Variants in ARHGEF25 observed in about 807,000 individuals in gnomAD.
ARHGEF25 encodes the protein RAC/CDC42 exchange factor.
ARHGEF25 carries 42 observed loss-of-function variants against 74.0 expected under a neutral mutation model. The observed-to-expected ratio is 0.57, with a 90% CI of 0.44 to 0.73. The LOEUF is 0.73. Among genes scored for constraint, ARHGEF25 ranks in the 30% least tolerant of loss-of-function variants. The probability of loss-of-function intolerance (pLI) is 0.00; values close to 1 mark genes in which losing one functional copy is unlikely to be tolerated. For synonymous variants in ARHGEF25, 293 were observed against 278.6 expected, an observed-to-expected ratio of 1.05 and a Z score of -0.51; for missense variants, 645 against 725.5, an observed-to-expected ratio of 0.89 and a Z score of 1.27.
intron 10 of ARHGEF25, 104 bp downstream of exon 10, chr12:57,615,121 AG>A (rs1565727834): frequency 6.4e-7 from 1 of 1,567,586 alleles, no homozygotes; most frequent in Non-Finnish European, 8.7e-7. Flanking sequence ...TCTGGTTTTT[AG>A]GGGGAGGCTG....
Position 57,614,192 on chromosome 12 carries a change from G to A in ARHGEF25, c.656+73G>A. 2 of 1,586,152 alleles carry A rather than the reference G, an allele frequency of 1.3e-6. No homozygotes were observed. Among genetic ancestry groups the A allele is most frequent in the Admixed American group, 3.3e-5 (2 of 59,774 alleles). On this transcript the variant is annotated intron_variant, in intron 6 of 14. Coordinates refer to ENST00000286494, the MANE Select transcript of ARHGEF25 (RefSeq NM_182947.4). The surrounding 1 kb of genome is among the most constrained non-coding windows in gnomAD (Gnocchi z 4.6). ...CTGGTTGTCCTGTATCCTAACATCA[G>A]CCCATTGCGACTTAAGGAATGTTTG...
At chr12:57,610,233 G>A (rs769511870), upstream of ARHGEF25, 14 of 1,598,940 alleles carry the variant, frequency 8.8e-6, no homozygotes, top group South Asian at 1.1e-4. Flanking sequence ...CCCCCGGACC[G>A]CCCCGCCCCT....
chr12:57,612,980 T>C lies in ARHGEF25; in HGVS notation c.148T>C (p.Ser50Pro), dbSNP rs768946799. ...SEGSISASAA[S>P]GLAAPSGPSS... ...GGGGAGTATATCGGCTTCTGCTGCC[T>C]CCGGTCTGGCTGCCCCCTCTGGCCC... The change falls in exon 2 of 15, where the codon TCC becomes CCC. Residue 50 changes from serine (S) to proline (P), a missense_variant. Physicochemically the swap from Ser to Pro is moderately conservative, Grantham distance 74. Around this residue, in one of 3 missense-constraint regions of ARHGEF25, gnomAD observed 189 missense variants for 199.1 expected, o/e 0.95. Coordinates refer to ENST00000286494, the MANE Select transcript of ARHGEF25 (RefSeq NM_182947.4). 12 of 1,614,012 alleles carry C rather than the reference T, an allele frequency of 7.4e-6. No homozygotes were observed. The Admixed American group carries it at 2.0e-4, about 27-fold the overall frequency.
chr12:57,611,504 C>G lies in ARHGEF25; in HGVS notation c.-391C>G. 1 of 986,286 alleles carries G rather than the reference C, an allele frequency of 1.0e-6. No homozygotes were observed. The highest frequency in any genetic ancestry group is 1.2e-6 in the Non-Finnish European group (1 of 830,506). 61.1% of individuals were successfully genotyped at this position (986,286 alleles called of 1,614,324 possible). On this transcript the variant is annotated 5_prime_UTR_variant, in exon 1 of 15. Coordinates refer to ENST00000286494, the MANE Select transcript of ARHGEF25 (RefSeq NM_182947.4). The surrounding 1 kb of genome is among the most constrained non-coding windows in gnomAD (Gnocchi z 4.5). ...CGGGGGTCGGCCCTCGCCTCCTCCC[C>G]GGCCCGGGCCTAGAGCCACCCCTAA...
upstream of ARHGEF25, chr12:57,610,316 G>A: frequency 2.0e-6 from 3 of 1,506,088 alleles, no homozygotes; most frequent in Non-Finnish European, 2.7e-6. Context: ...GCAGGAGGGG[G>A]TAAGAATGGG....
chr12:57,616,576 A>G, intron 14 of ARHGEF25, 81 bp downstream of exon 14: 1 of 1,320,698 alleles, frequency 7.6e-7, no homozygotes, highest in Non-Finnish European at 1.1e-6. Context: ...TTCCCTCCCC[A>G]TATCATTCCT....
chr12:57,611,833 G>GC lies in ARHGEF25; in HGVS notation c.-56dup. 1 of 1,188,882 alleles carries GC rather than the reference G, an allele frequency of 8.4e-7. No individual in the cohort carries two copies. The highest frequency in any genetic ancestry group is 1.1e-6 in the Non-Finnish European group (1 of 945,226). 73.6% of individuals were successfully genotyped at this position (1,188,882 alleles called of 1,614,324 possible). On this transcript the variant is annotated 5_prime_UTR_variant, in exon 1 of 15. Coordinates refer to ENST00000286494, the MANE Select transcript of ARHGEF25 (RefSeq NM_182947.4). This position sits in a 1 kb window ranked among gnomAD's most constrained non-coding sequence, Gnocchi z 4.5. ...GTGCGCCCGGCGCCGTCCCCGCCCC[G>GC]CCCCCCGTGATTCCCCCTGCATGGC...
At chr12:57,615,811 G>A in intron 12 of ARHGEF25, 26 bp from the exon 13 acceptor site, 2 of 1,612,396 alleles carry the variant, frequency 1.2e-6, no homozygotes, top group Non-Finnish European at 1.7e-6. Context: ...AGGAATCTGG[G>A]GGCTGTCTCC....
rs145779061 is a variant in ARHGEF25, at chr12:57,613,120, C to G, written c.288C>G (p.Asp96Glu). ...KHCLSVETEA[D>E]SGQAGPYENW... is the part of the protein sequence containing the mutation. ...GTCTCAGTGTGGAAACTGAGGCAGA[C>G]AGTGGTCAGGCAGGACCATATGAGG... is the stretch of plus-strand genomic sequence containing the variant. Residue 96 changes from aspartate to glutamate, a missense_variant, in exon 2 of 15, where the codon GAC becomes GAG. This residue lies in a region of ARHGEF25 where 189 missense variants were observed against 199.1 expected (regional missense o/e 0.95). Coordinates refer to ENST00000286494, the MANE Select transcript of ARHGEF25 (RefSeq NM_182947.4). The G allele has an allele frequency of 1.1e-4, 184 of 1,613,402 alleles. 1 individual carries two copies. The highest frequency in any genetic ancestry group is 6.6e-4 in the Middle Eastern group (4 of 6,062).
chr12:57,615,919 T>A lies in ARHGEF25; in HGVS notation c.1322T>A (p.Ile441Asn). Residue 441 changes from isoleucine to asparagine, a missense_variant, in exon 13 of 15, where the codon ATC becomes AAC. Ile to Asn is a moderately radical substitution (Grantham distance 149). Coordinates refer to ENST00000286494, the MANE Select transcript of ARHGEF25 (RefSeq NM_182947.4). Reference sequence around the variant, plus strand: ...ACCTCCAGAGGGCCAGAGGGTGGGATCCAGCGCTATGTCCTGCAGGCTGCA... The same window carrying A: ...ACCTCCAGAGGGCCAGAGGGTGGGAACCAGCGCTATGTCCTGCAGGCTGCA... Reference protein sequence around the residue: ...ALTSRGPEGGIQRYVLQAADP... With the variant: ...ALTSRGPEGGNQRYVLQAADP... 6.2e-7 allele frequency: 1 copy of A among 1,614,128 alleles called. No homozygotes were observed. Among genetic ancestry groups the A allele is most frequent in the Non-Finnish European group, 8.5e-7 (1 of 1,180,004 alleles).
Position 57,614,809 on chromosome 12 carries a change from C to G in ARHGEF25, c.909+28C>G. 1 of 1,591,866 alleles carries G rather than the reference C, an allele frequency of 6.3e-7. No individual in the cohort carries two copies. Among genetic ancestry groups the G allele is most frequent in the Non-Finnish European group, 8.6e-7 (1 of 1,168,098 alleles). ...CAGGACCCCCTTTTTCCTGGGGGCA[C>G]AGCTGGCTGGCACAGCTGTTTCCTC... On this transcript the variant is annotated intron_variant, in intron 9 of 14. Transcript: ENST00000286494. This position sits in a 1 kb window ranked among gnomAD's most constrained non-coding sequence, Gnocchi z 4.6.
In ARHGEF25 at chr12:57,615,696, A is replaced by T. The variant is rs771537977; in HGVS notation, c.1223A>T (p.Tyr408Phe). The T allele has an allele frequency of 1.2e-6, 2 of 1,614,156 alleles. No individual in the cohort carries two copies. The highest frequency in any genetic ancestry group is 1.7e-6 in the Non-Finnish European group (2 of 1,180,026). Residue 408 changes from tyrosine (Y) to phenylalanine (F), a missense_variant, in exon 12 of 15, where the codon TAC (tyrosine) becomes TTC (phenylalanine). Tyr to Phe is a conservative substitution (Grantham distance 22). Around this residue, in one of 3 missense-constraint regions of ARHGEF25, gnomAD observed 262 missense variants for 256.9 expected, o/e 1.02. Transcript: ENST00000286494. ...GGTGGAACACAGCCTGGATATGTAT[A>T]CAAGAACAGCATTAAGGTGGGGAGA... ...VRGGTQPGYVYKNSIKVSCLG... is the reference protein window; with the variant it reads ...VRGGTQPGYVFKNSIKVSCLG...
In ARHGEF25 at chr12:57,615,035, T is replaced by G; in HGVS notation, c.960+18T>G. ...ACCTAGAGGTGAGGACCCCAGATCT[T>G]CCAGGACACACCATGTGCTCCTTAT... On this transcript the variant is annotated intron_variant, in intron 10 of 14. Transcript: ENST00000286494. 6.2e-7 allele frequency: 1 copy of G among 1,613,672 alleles called. No individual in the cohort carries two copies. Among genetic ancestry groups the G allele is most frequent in the Middle Eastern group, 1.7e-4 (1 of 6,058 alleles).
chr12:57,610,809 G>A (rs1327577824), upstream of ARHGEF25: 1 of 740,626 alleles, frequency 1.4e-6, no homozygotes, highest in African/African-American at 1.8e-5. Context: ...TTTAATCGCA[G>A]AGACCTCCAC....
rs1884194908 is a variant in ARHGEF25 at position 57,614,522 on chromosome 12, C to T, written c.733C>T (p.Arg245Trp). ...TAAACATTACCCCTGTTAGGAGCGC[C>T]GGCTGCATATGTATGTGGTGTACTG... Reference protein sequence around the residue: ...LAQLFIKHERRLHMYVVYCQN... With the variant: ...LAQLFIKHERWLHMYVVYCQN... Residue 245 changes from arginine to tryptophan, a missense_variant, in exon 8 of 15, where the codon CGG becomes TGG. This residue lies in a region of ARHGEF25 where 194 missense variants were observed against 269.4 expected (regional missense o/e 0.72). Transcript: ENST00000286494. The surrounding 1 kb of genome is among the most constrained non-coding windows in gnomAD (Gnocchi z 4.6). 4 of 1,614,012 alleles carry T rather than the reference C, an allele frequency of 2.5e-6. No homozygotes were observed. Among genetic ancestry groups the T allele is most frequent in the Non-Finnish European group, 3.4e-6 (4 of 1,180,020 alleles).
intron 5 of ARHGEF25, 56 bp downstream of exon 5, chr12:57,613,816 G>T: frequency 6.3e-7 from 1 of 1,596,010 alleles, no homozygotes; most frequent in Non-Finnish European, 8.6e-7. Context: ...TCTGCCCAGG[G>T]CTATTTTCAG....
chr12:57,614,596 C>T lies in ARHGEF25; in HGVS notation c.807C>T (p.Ser269=), dbSNP rs1397276069. Residue 269 remains serine, a synonymous_variant, in exon 8 of 15, where the codon AGC becomes AGT. Transcript: ENST00000286494. The surrounding 1 kb of genome is among the most constrained non-coding windows in gnomAD (Gnocchi z 4.6). The part of the protein sequence containing the change: ...SEHVVSEFGD[S]YFEELRQQLG... ...ATGTGGTGTCAGAGTTTGGGGACAG[C>T]TACTTTGAGGTCAGTAGCTGAGATG... is the stretch of plus-strand genomic sequence containing the variant. 1 of 1,614,006 alleles carries T rather than the reference C, an allele frequency of 6.2e-7. No homozygotes were observed. Among genetic ancestry groups the T allele is most frequent in the East Asian group, 2.2e-5 (1 of 44,870 alleles).
At chr12:57,615,345 C>T (rs369703085) in intron 11 of ARHGEF25, 31 bp downstream of exon 11, 34 of 1,588,250 alleles carry the variant, frequency 2.1e-5, no homozygotes, top group Admixed American at 7.1e-5. Context: ...ACTGGAGGCC[C>T]GATGCTCTTC....
At position 57,614,426 on chromosome 12, in the gene ARHGEF25, G is replaced by A. The variant is rs536563964; in HGVS notation, c.726+26G>A. 3 of 1,614,118 alleles carry A rather than the reference G, an allele frequency of 1.9e-6. No homozygotes were observed. Among genetic ancestry groups the A allele is most frequent in the Admixed American group, 3.3e-5 (2 of 60,026 alleles). On this transcript the variant is annotated intron_variant, in intron 7 of 14. Coordinates refer to ENST00000286494, the MANE Select transcript of ARHGEF25 (RefSeq NM_182947.4). This position sits in a 1 kb window ranked among gnomAD's most constrained non-coding sequence, Gnocchi z 4.6. ...GTGAGGCTTGAGGGGGCAGGGCCTGGGGCGGGGCTTAGGAATGGGCTGGGA... is the reference window on the plus strand; with the variant it reads ...GTGAGGCTTGAGGGGGCAGGGCCTGAGGCGGGGCTTAGGAATGGGCTGGGA...
Sources: gnomAD v4.1 joint callset for allele counts on GRCh38, gnomAD v4.1.1 for gene constraint, gnomAD v4.1.1 regional missense constraint, Gnocchi (gnomAD v3.1) non-coding constraint, MANE v1.5 for transcripts, NCBI Gene and HGNC (gene_info 2026-07-23, HGNC 2026-07-21) for gene names.